The following GDA variants were observed in gnomAD, a reference collection of about 807,000 sequenced individuals.
GDA encodes the protein cytoplasmic PSD-95 interactor.
Under a neutral mutation model 59.6 loss-of-function variants are expected in GDA, and 18 were observed. The ratio of observed to expected loss-of-function variants is 0.30; its 90% CI spans 0.21 to 0.45. The LOEUF (loss-of-function observed/expected upper bound fraction) is 0.45, where lower values mean the gene tolerates loss of function less well. Among genes scored for constraint, GDA ranks in the 20% least tolerant of loss-of-function variants. The pLI is 1.00. For synonymous variants in GDA, 201 were observed against 201.1 expected (o/e 1.00, Z 0.00); for missense variants, 427 against 552.3 (o/e 0.77, Z 2.27).
chr9:72,198,846 GATAT>G, intron 2 of GDA, among the ~76,000 whole-genome samples: 1 of 128,644 alleles, frequency 7.8e-6, no homozygotes, highest in East Asian at 2.2e-4. Context: ...TATATAGGGG[GATAT>G]ATATATATAT....
At chr9:72,246,244 T>C (rs1208612730) in intron 12 of GDA, among the ~76,000 whole-genome samples, 2 of 152,042 alleles carry the variant, frequency 1.3e-5, no homozygotes, top group Non-Finnish European at 2.9e-5. Context: ...GCCTCCTGGG[T>C]TCAAGCAGCT....
Position 72,248,755 on chromosome 9 carries a change from T to C in GDA, c.*413T>C, listed in dbSNP as rs1260463483. On this transcript the variant is annotated 3_prime_UTR_variant, in exon 14 of 14. Transcript: ENST00000358399. ...AAGACTGAAAATGGACCCATGAGAG[T>C]ATATTTTTATGAGGGAGCAAAAGTT... The C allele has an allele frequency of 7.0e-6, 7 of 995,246 alleles. No individual in the cohort carries two copies. The highest frequency in any genetic ancestry group is 1.7e-5 in the African/African-American group (1 of 57,322). 61.7% of individuals were successfully genotyped at this position (995,246 alleles called of 1,614,324 possible). A position where few individuals can be genotyped will look rare whatever the true frequency, so the allele number is the denominator to read the frequency against.
intron 5 of GDA, among the ~76,000 whole-genome samples, chr9:72,215,743 G>A (rs1836027062): frequency 6.6e-6 from 1 of 152,128 alleles, no homozygotes; most frequent in Admixed American, 6.5e-5. Flanking sequence ...ACATTGAGCT[G>A]GATTCCCAAA....
intron 10 of GDA, among the ~76,000 whole-genome samples, chr9:72,237,204 T>A (rs1839108128): frequency 6.6e-6 from 1 of 152,114 alleles, no homozygotes; most frequent in African/African-American, 2.4e-5. Context: ...CCCTTTTCCC[T>A]TCCTCCACCA....
intron 1 of GDA, among the ~76,000 whole-genome samples, chr9:72,176,334 C>T (rs184370678): frequency 9.9e-5 from 15 of 152,246 alleles, no homozygotes; most frequent in African/African-American, 3.4e-4. Flanking sequence ...TTTTTATGAG[C>T]GAGTCTTAAA....
At position 72,248,430 on chromosome 9, in the gene GDA, A is replaced by G. The variant is rs961413254; in HGVS notation, c.*88A>G. The G allele has an allele frequency of 2.5e-6, 4 of 1,594,516 alleles. No individual in the cohort carries two copies. The African/African-American group carries it at 5.4e-5, about 22-fold the overall frequency. The stretch of plus-strand genomic sequence containing the variant: ...AGGTGGAGTTAGAAAGTCAAAAAAT[A>G]GTACCTTGTTCTTGGGATGACTATC... On this transcript the variant is annotated 3_prime_UTR_variant, in exon 14 of 14. Transcript: ENST00000358399.
intron 1 of GDA, among the ~76,000 whole-genome samples, chr9:72,178,735 G>A (rs1024384335): frequency 3.3e-5 from 5 of 151,958 alleles, no homozygotes; most frequent in Admixed American, 1.3e-4. Context: ...GATTTTTATG[G>A]GCGACTGTTC....
intron 1 of GDA, among the ~76,000 whole-genome samples, chr9:72,138,793 A>G (rs1826337780): frequency 6.6e-6 from 1 of 152,242 alleles, no homozygotes; most frequent in African/African-American, 2.4e-5. Flanking sequence ...AATACCTGGC[A>G]TATACAAGGC....
At chr9:72,221,320 C>A (rs1322224703) in intron 6 of GDA, among the ~76,000 whole-genome samples, 2 of 152,182 alleles carry the variant, frequency 1.3e-5, no homozygotes, top group South Asian at 4.1e-4. Flanking sequence ...TTCATCAGAG[C>A]CTTAATGTGG....
chr9:72,176,534 T>C (rs1054973655), intron 1 of GDA, among the ~76,000 whole-genome samples: 1 of 152,182 alleles, frequency 6.6e-6, no homozygotes, highest in African/African-American at 2.4e-5. Flanking sequence ...TCACCCTGTG[T>C]AGGAATTAAT....
chr9:72,187,904 G>A (rs1832056355), intron 1 of GDA, among the ~76,000 whole-genome samples: 1 of 152,220 alleles, frequency 6.6e-6, no homozygotes, highest in South Asian at 2.1e-4. Context: ...TTGTTATAAA[G>A]TAGCAAAGAA....
intron 1 of GDA, among the ~76,000 whole-genome samples, chr9:72,167,503 G>A (rs993993877): frequency 2.6e-5 from 4 of 152,160 alleles, no homozygotes; most frequent in Non-Finnish European, 5.9e-5. Flanking sequence ...ATTGTTATCA[G>A]TTGAAATGCT....
At chr9:72,134,158 T>C (rs1175579094) in intron 1 of GDA, among the ~76,000 whole-genome samples, 2 of 152,086 alleles carry the variant, frequency 1.3e-5, no homozygotes, top group Admixed American at 1.3e-4. Flanking sequence ...AGTAGTTTCA[T>C]CAAATAAAAG....
chr9:72,160,206 A>G (rs1828439747), intron 1 of GDA, among the ~76,000 whole-genome samples: 1 of 152,092 alleles, frequency 6.6e-6, no homozygotes, highest in Non-Finnish European at 1.5e-5. Flanking sequence ...GCTACTCGGA[A>G]GCTGAGGCAG....
chr9:72,182,755 T>C (rs1203404789), intron 1 of GDA, among the ~76,000 whole-genome samples: 2 of 152,240 alleles, frequency 1.3e-5, no homozygotes, highest in Non-Finnish European at 2.9e-5. Flanking sequence ...GCTCATTTTC[T>C]AATTGTGTAA....
intron 1 of GDA, among the ~76,000 whole-genome samples, chr9:72,128,875 A>G (rs1825935976): frequency 6.7e-6 from 1 of 149,468 alleles, no homozygotes; most frequent in East Asian, 2.2e-4. Context: ...GATTGGGTGG[A>G]GTCTCACTGG....
At chr9:72,163,479 G>A (rs1171184129) in intron 1 of GDA, among the ~76,000 whole-genome samples, 5 of 151,660 alleles carry the variant, frequency 3.3e-5, no homozygotes, top group Non-Finnish European at 5.9e-5. Flanking sequence ...GTAAGTGACA[G>A]TAACAGGTAA....
intron 1 of GDA, among the ~76,000 whole-genome samples, chr9:72,155,625 G>A (rs1479073116): frequency 6.6e-6 from 1 of 152,170 alleles, no homozygotes; most frequent in African/African-American, 2.4e-5. Context: ...TGTTATGGAG[G>A]GCATCGGGGA....
At chr9:72,144,533 G>C (rs1321053520), upstream of GDA, among the ~76,000 whole-genome samples, 1 of 152,182 alleles carries the variant, frequency 6.6e-6, no homozygotes, top group Admixed American at 6.5e-5. Flanking sequence ...GCTTAGCATG[G>C]TGCCTATCAT....
Sources: allele counts gnomAD v4.1 joint callset (sites outside exome capture counted in the v4.1 genomes callset), GRCh38; gene constraint gnomAD v4.1.1; transcripts MANE v1.5; gene names NCBI Gene and HGNC (gene_info 2026-07-23, HGNC 2026-07-21).